The following RBFOX1 variants were observed in gnomAD, a reference collection of about 807,000 sequenced individuals.
The protein encoded by RBFOX1 is RNA binding protein fox-1 homolog 1.
Under a neutral mutation model 57.7 loss-of-function variants are expected in RBFOX1, and 8 were observed. The ratio of observed to expected loss-of-function variants is 0.14; its 90% CI spans 0.08 to 0.25. The LOEUF is 0.25. RBFOX1 is among the 10% of genes least tolerant of loss of function. The pLI is 1.00. For missense variants in RBFOX1, 611 were observed against 548.5 expected (o/e 1.11, Z -1.14); for synonymous variants, 326 against 222.4 (o/e 1.47, Z -4.15).
intron 4 of RBFOX1, among the ~76,000 whole-genome samples, chr16:7,056,981 C>T (rs1014954750): frequency 1.3e-5 from 2 of 150,748 alleles, no homozygotes; most frequent in African/African-American, 4.9e-5. Flanking sequence ...ATAAGAATAG[C>T]TTTCTCATAG....
intron 3 of RBFOX1, among the ~76,000 whole-genome samples, chr16:5,833,241 C>T (rs1251930584): frequency 6.6e-6 from 1 of 152,102 alleles, no homozygotes; most frequent in Admixed American, 6.6e-5. Flanking sequence ...CGCCTGTAAT[C>T]CCTGCACTTT....
chr16:7,190,457 A>G (rs34824941), intron 4 of RBFOX1, among the ~76,000 whole-genome samples: 5 of 152,140 alleles, frequency 3.3e-5, no homozygotes, highest in Non-Finnish European at 5.9e-5. Context: ...CTCTTCCACA[A>G]ATTCCCAACA....
intron 1 of RBFOX1, among the ~76,000 whole-genome samples, chr16:6,088,706 A>C (rs1273364217): frequency 1.3e-5 from 2 of 152,302 alleles, no homozygotes; most frequent in African/African-American, 4.8e-5. Context: ...GGGAGCCATG[A>C]ACCCCCTGCA....
At chr16:6,667,901 G>GA (rs139973697) in intron 3 of RBFOX1, among the ~76,000 whole-genome samples, 1,710 of 146,612 alleles carry the variant, frequency 0.012, 45 homozygotes, top group East Asian at 0.089. Context: ...AAAAACTAAA[G>GA]AAAAAAAAAA....
intron 2 of RBFOX1, among the ~76,000 whole-genome samples, chr16:5,509,922 C>T (rs1016864126): frequency 1.3e-5 from 2 of 152,152 alleles, no homozygotes. Context: ...TTTGCTTGTC[C>T]TTGAATGCCT....
intron 2 of RBFOX1, among the ~76,000 whole-genome samples, chr16:6,346,203 CTTA>C: frequency 6.6e-6 from 1 of 152,196 alleles, no homozygotes; most frequent in South Asian, 2.1e-4. Context: ...CAAGTGAATA[CTTA>C]TTATATATAG....
intron 5 of RBFOX1, among the ~76,000 whole-genome samples, chr16:7,536,125 C>G (rs1239982352): frequency 1.3e-5 from 2 of 152,194 alleles, no homozygotes; most frequent in East Asian, 1.9e-4. Flanking sequence ...TTTCTTCCAT[C>G]TGCAATTGGT....
At chr16:6,639,124 C>T (rs535403231) in intron 2 of RBFOX1, among the ~76,000 whole-genome samples, 23 of 152,312 alleles carry the variant, frequency 1.5e-4, no homozygotes, top group African/African-American at 4.8e-4. Context: ...TTTCTGGATA[C>T]TCAATAGGAT....
intron 4 of RBFOX1, among the ~76,000 whole-genome samples, chr16:7,148,853 G>A (rs1384446356): frequency 1.3e-5 from 2 of 152,098 alleles, no homozygotes; most frequent in African/African-American, 2.4e-5. Context: ...GTGACCCTCG[G>A]GTCACCATCA....
At chr16:5,331,719 G>T (rs913508251) in intron 1 of RBFOX1, among the ~76,000 whole-genome samples, 1 of 152,272 alleles carries the variant, frequency 6.6e-6, no homozygotes, top group Admixed American at 6.5e-5. Context: ...AATGCAGTAA[G>T]AGGTGGGGAC....
intron 2 of RBFOX1, among the ~76,000 whole-genome samples, chr16:6,585,818 G>C (rs143993479): frequency 6.6e-6 from 1 of 152,116 alleles, no homozygotes; most frequent in Non-Finnish European, 1.5e-5. Flanking sequence ...GACAATTTGT[G>C]TAGGGGTCTG....
At chr16:5,996,456 T>A (rs2152325066) in intron 4 of RBFOX1, among the ~76,000 whole-genome samples, 1 of 152,036 alleles carries the variant, frequency 6.6e-6, no homozygotes, top group Non-Finnish European at 1.5e-5. Context: ...AGGGTGATTT[T>A]TTTTTTTTTC....
At chr16:5,929,417 C>G (rs944340339) in intron 4 of RBFOX1, among the ~76,000 whole-genome samples, 1 of 152,124 alleles carries the variant, frequency 6.6e-6, no homozygotes, top group African/African-American at 2.4e-5. Flanking sequence ...GGTTCAAATT[C>G]TAGCTATGTG....
intron 13 of RBFOX1, among the ~76,000 whole-genome samples, chr16:7,666,402 C>T (rs1300128769): frequency 1.3e-5 from 2 of 149,436 alleles, no homozygotes; most frequent in Non-Finnish European, 3.0e-5. Flanking sequence ...AAAAAAAATG[C>T]AGATTTTCCT....
chr16:5,622,916 T>G (rs2048241425), intron 3 of RBFOX1, among the ~76,000 whole-genome samples: 1 of 152,372 alleles, frequency 6.6e-6, no homozygotes, highest in South Asian at 2.1e-4. Context: ...GTATAACAAC[T>G]CTTTACATGG....
At chr16:7,572,835 T>C (rs1231461211) in intron 5 of RBFOX1, among the ~76,000 whole-genome samples, 1 of 71,148 alleles carries the variant, frequency 1.4e-5, no homozygotes, top group Non-Finnish European at 3.4e-5. Flanking sequence ...TGAGAGTCTC[T>C]CTCAAATGAA....
At chr16:6,820,790 C>T (rs527600996) in intron 3 of RBFOX1, among the ~76,000 whole-genome samples, 2 of 152,286 alleles carry the variant, frequency 1.3e-5, no homozygotes, top group African/African-American at 2.4e-5. Context: ...CTGCAAAAGG[C>T]CTGTGAATGA....
chr16:6,899,159 AAC>A (rs1305869698), intron 3 of RBFOX1, among the ~76,000 whole-genome samples: 1 of 146,332 alleles, frequency 6.8e-6, no homozygotes, highest in African/African-American at 2.5e-5. Flanking sequence ...ACGTGTATGT[AAC>A]ATGTGTATGT....
chr16:6,523,455 G>C (rs2153806548), intron 2 of RBFOX1, among the ~76,000 whole-genome samples: 1 of 152,304 alleles, frequency 6.6e-6, no homozygotes, highest in Non-Finnish European at 1.5e-5. Context: ...GTCCAATGCA[G>C]TGAAGAACTC....
Sources: gnomAD v4.1 joint callset for allele counts (sites outside exome capture counted in the v4.1 genomes callset) on GRCh38, gnomAD v4.1.1 for gene constraint, MANE v1.5 for transcripts, NCBI Gene and HGNC (gene_info 2026-07-23, HGNC 2026-07-21) for gene names.